The following CERS3 variants were observed in gnomAD, a reference collection of about 807,000 sequenced individuals.
The protein encoded by CERS3 is LAG1 homolog, ceramide synthase 3.
In CERS3, 33 loss-of-function variants were observed where a neutral mutation model predicts 50.3. The observed-to-expected ratio is 0.66, with a 90% CI of 0.50 to 0.88. The LOEUF is 0.88. CERS3 is among the 40% of genes least tolerant of loss of function. The pLI, the probability that CERS3 is intolerant of heterozygous loss-of-function variation, is 0.00. For missense variants in CERS3, 470 were observed against 460.3 expected (o/e 1.02, Z -0.19); for synonymous variants, 176 against 155.2 (o/e 1.13, Z -0.99).
intron 4 of CERS3, among the ~76,000 whole-genome samples, chr15:100,485,827 G>A (rs768946713): frequency 1.3e-5 from 2 of 152,144 alleles, no homozygotes; most frequent in African/African-American, 2.4e-5. Context: ...TTGTGACACT[G>A]TACTCCAGCC....
chr15:100,417,093 T>A (rs914615862), intron 11 of CERS3, among the ~76,000 whole-genome samples: 2 of 152,158 alleles, frequency 1.3e-5, no homozygotes, highest in Non-Finnish European at 2.9e-5. Context: ...GATGTCCGAA[T>A]AGGAACAGCT....
At chr15:100,417,591 G>GGCCT (rs1359204412) in intron 11 of CERS3, among the ~76,000 whole-genome samples, 5 of 152,008 alleles carry the variant, frequency 3.3e-5, no homozygotes, top group Non-Finnish European at 1.5e-5. Context: ...AGCTCAAGGA[G>GGCCT]GCCTGCCTGC....
intron 11 of CERS3, among the ~76,000 whole-genome samples, chr15:100,452,046 C>T (rs1012771873): frequency 6.6e-6 from 1 of 152,146 alleles, no homozygotes; most frequent in African/African-American, 2.4e-5. Context: ...CAACACCCTC[C>T]TATCACCATT....
At chr15:100,460,666 C>T (rs1343859328) in intron 10 of CERS3, among the ~76,000 whole-genome samples, 1 of 152,306 alleles carries the variant, frequency 6.6e-6, no homozygotes, top group African/African-American at 2.4e-5. Context: ...CACTAGCAGG[C>T]AAGCTTTCCA....
At chr15:100,532,686 G>C (rs1019633395), upstream of CERS3, among the ~76,000 whole-genome samples, 3 of 152,140 alleles carry the variant, frequency 2.0e-5, no homozygotes, top group African/African-American at 7.2e-5. Context: ...CTGAGCCTGG[G>C]AAGTCAAGGT....
chr15:100,445,707 A>G (rs762403943), intron 11 of CERS3, among the ~76,000 whole-genome samples: 15 of 152,140 alleles, frequency 9.9e-5, no homozygotes, highest in Non-Finnish European at 2.1e-4. Flanking sequence ...AACATCGCCC[A>G]TTATATCTCC....
chr15:100,473,412 T>A (rs2035030385), intron 8 of CERS3, among the ~76,000 whole-genome samples: 1 of 152,206 alleles, frequency 6.6e-6, no homozygotes, highest in African/African-American at 2.4e-5. Flanking sequence ...ATAATAAATC[T>A]ACACAACCAT....
chr15:100,428,865 G>T (rs1386440411), intron 11 of CERS3, among the ~76,000 whole-genome samples: 1 of 152,204 alleles, frequency 6.6e-6, no homozygotes, highest in Non-Finnish European at 1.5e-5. Flanking sequence ...TGCCAGGAAG[G>T]CCTTAAGGAA....
intron 11 of CERS3, among the ~76,000 whole-genome samples, chr15:100,442,989 T>A (rs376543211): frequency 0.021 from 3,171 of 148,092 alleles, 3 homozygotes; most frequent in South Asian, 0.042. Flanking sequence ...TGGTGCCAAC[T>A]TAGACAATAC....
At chr15:100,411,408 C>T (rs1019139639) in intron 11 of CERS3, among the ~76,000 whole-genome samples, 2 of 152,068 alleles carry the variant, frequency 1.3e-5, no homozygotes, top group Non-Finnish European at 1.5e-5. Flanking sequence ...GTGATCCACC[C>T]GCCTCGGGCT....
intron 11 of CERS3, chr15:100,408,694 C>A (rs892429629): frequency 6.6e-6 from 1 of 152,036 alleles, no homozygotes; most frequent in African/African-American, 2.4e-5. Context: ...AGGATGGGTG[C>A]GTGTCATGCA....
intron 1 of CERS3, among the ~76,000 whole-genome samples, chr15:100,536,569 G>A (rs899288327): frequency 6.6e-6 from 1 of 152,330 alleles, no homozygotes; most frequent in Middle Eastern, 3.4e-3. Context: ...ACAGGCATGA[G>A]CCAGCATGAC....
chr15:100,436,617 A>C (rs1006966252), intron 11 of CERS3, among the ~76,000 whole-genome samples: 5 of 152,202 alleles, frequency 3.3e-5, no homozygotes, highest in Non-Finnish European at 7.3e-5. Flanking sequence ...CTGCACATGT[A>C]TCCCAGAGCT....
At chr15:100,541,492 A>C (rs1285454913) in intron 1 of CERS3, among the ~76,000 whole-genome samples, 1 of 152,140 alleles carries the variant, frequency 6.6e-6, no homozygotes, top group Non-Finnish European at 1.5e-5. Context: ...AGTGTTCCTC[A>C]CTGGCTTTTA....
chr15:100,538,981 A>C (rs2037138480), intron 1 of CERS3, among the ~76,000 whole-genome samples: 1 of 152,124 alleles, frequency 6.6e-6, no homozygotes, highest in Admixed American at 6.6e-5. Context: ...TGAACACTTT[A>C]CTTTTGAGAA....
intron 5 of CERS3, among the ~76,000 whole-genome samples, chr15:100,482,073 G>A (rs12324299): frequency 0.069 from 10,548 of 152,090 alleles, 432 homozygotes; most frequent in African/African-American, 0.11. Context: ...ATGCTCTTTG[G>A]CATTTCCAAG....
intron 3 of CERS3, among the ~76,000 whole-genome samples, chr15:100,498,597 A>G (rs1356503675): frequency 2.0e-5 from 3 of 152,190 alleles, no homozygotes; most frequent in Non-Finnish European, 2.9e-5. Context: ...GTTTGCTACT[A>G]TTGCAGAACT....
At chr15:100,442,051 A>G (rs1180042151) in intron 11 of CERS3, among the ~76,000 whole-genome samples, 1 of 152,116 alleles carries the variant, frequency 6.6e-6, no homozygotes, top group African/African-American at 2.4e-5. Flanking sequence ...GTTTTGTTCC[A>G]TGACTAGCCC....
chr15:100,456,985 ATTTG>A (rs1262968504), intron 10 of CERS3, among the ~76,000 whole-genome samples: 2 of 151,484 alleles, frequency 1.3e-5, no homozygotes, highest in Non-Finnish European at 2.9e-5. Context: ...ATGAAGGGCT[ATTTG>A]TTTATTTCTC....
Sources: gnomAD v4.1 joint callset for allele counts (sites outside exome capture counted in the v4.1 genomes callset) on GRCh38, gnomAD v4.1.1 for gene constraint, MANE v1.5 for transcripts, NCBI Gene and HGNC (gene_info 2026-07-23, HGNC 2026-07-21) for gene names.